The following ENPP2 variants were observed in gnomAD, a reference collection of about 807,000 sequenced individuals.
ENPP2 encodes ectonucleotide pyrophosphatase/phosphodiesterase 2, also known as autotaxin.
ENPP2 carries 51 observed loss-of-function variants against 120.2 expected under a neutral mutation model. The observed-to-expected ratio is 0.42, with a 90% CI of 0.34 to 0.54. The LOEUF is 0.54. Ranked by LOEUF, ENPP2 falls within the 20% of genes least tolerant of loss-of-function variation. ENPP2 has a pLI of 0.04. For synonymous variants in ENPP2, 365 were observed against 366.4 expected (o/e 1.00, Z 0.04); for missense variants, 920 against 1,066.5 (o/e 0.86, Z 1.91).
At chr8:119,566,879 C>G (rs1189580779) in intron 22 of ENPP2, among the ~76,000 whole-genome samples, 1 of 152,176 alleles carries the variant, frequency 6.6e-6, no homozygotes, top group Non-Finnish European at 1.5e-5. Context: ...ACCAAGAAAT[C>G]TTTTTAAAAG....
intron 9 of ENPP2, among the ~76,000 whole-genome samples, chr8:119,605,064 C>A (rs1814605082): frequency 6.6e-6 from 1 of 151,866 alleles, no homozygotes; most frequent in Non-Finnish European, 1.5e-5. Context: ...TGAGCCACTG[C>A]ACCCGGCCTA....
rs79494866 is a variant in ENPP2, at chr8:119,625,964, G to A, written c.292+601C>T. Among the ~76,000 whole-genome samples, 543 of 152,260 alleles carry A rather than the reference G, an allele frequency of 3.6e-3. 2 individuals carry two copies. Among genetic ancestry groups the A allele is most frequent in the African/African-American group, 0.012 (518 of 41,544 alleles). On this transcript the variant is annotated intron_variant, in intron 3 of 24. Transcript: ENST00000075322. ...CCATAACAATTTTCCATTTGCAGACGGCAGGGAATGACAGGCACACTAACA... is the reference window on the plus strand; with the variant it reads ...CCATAACAATTTTCCATTTGCAGACAGCAGGGAATGACAGGCACACTAACA...
At chr8:119,610,526 G>T (rs764128543) in intron 8 of ENPP2, among the ~76,000 whole-genome samples, 1 of 150,896 alleles carries the variant, frequency 6.6e-6, no homozygotes, top group East Asian at 1.9e-4. Flanking sequence ...GAAGCTTCCC[G>T]GTTCCTTGTT....
chr8:119,596,813 C>T (rs979750791), intron 11 of ENPP2, among the ~76,000 whole-genome samples: 3 of 152,230 alleles, frequency 2.0e-5, no homozygotes, highest in African/African-American at 4.8e-5. Context: ...TTTTAAGGGG[C>T]GTTGCATGCT....
intron 8 of ENPP2, among the ~76,000 whole-genome samples, chr8:119,611,057 G>A (rs899894344): frequency 6.6e-6 from 1 of 152,144 alleles, no homozygotes; most frequent in Admixed American, 6.6e-5. Context: ...TTTGTGAAAA[G>A]GGGACAAATG....
In ENPP2 at chr8:119,557,684, T is replaced by C. The variant is rs756479543; in HGVS notation, c.2429A>G (p.Glu810Gly). 1 of 1,562,168 alleles carries C rather than the reference T, an allele frequency of 6.4e-7. No homozygotes were observed. The highest frequency in any genetic ancestry group is 8.6e-7 in the Non-Finnish European group (1 of 1,161,268). Residue 810 changes from glutamate (E) to glycine (G), a missense_variant, in exon 25 of 25, where the codon GAG becomes GGG. Physicochemically the swap from Glu to Gly is moderately conservative, Grantham distance 98. Transcript: ENST00000075322. ...TTCTTCTACCCATTTTGATTCGTCCTCTGAGCTCTGCAATGGAAACAGAAC... is the reference window on the plus strand; with the variant it reads ...TTCTTCTACCCATTTTGATTCGTCCCCTGAGCTCTGCAATGGAAACAGAAC... ...PDNEESCNSS[E>G]DESKWVEELM...
rs148051830 is a variant in ENPP2, at chr8:119,567,661, T to C, written c.2131+514A>G. Among the ~76,000 whole-genome samples the C allele has an allele frequency of 3.3e-3, 506 of 152,348 alleles. 6 individuals carry two copies. Among genetic ancestry groups the C allele is most frequent in the African/African-American group, 0.011 (475 of 41,570 alleles). On this transcript the variant is annotated intron_variant, in intron 22 of 24. Coordinates refer to ENST00000075322, the MANE Select transcript of ENPP2 (RefSeq NM_001040092.3). ...GAAGGTCCTTTCGGCTCTTGCTGGG[T>C]TTCAGGGCCAACATTCAGAAAATGT...
rs867719662 is a variant in ENPP2, at chr8:119,644,669, T to C, written c.22-6142A>G. Among the ~76,000 whole-genome samples the C allele has an allele frequency of 2.6e-3, 318 of 124,276 alleles. 2 individuals carry two copies. The highest frequency in any genetic ancestry group is 8.6e-3 in the African/African-American group (267 of 31,044). The allele number at this position is 124,276 out of a possible 152,430, so 81.5% of individuals were successfully genotyped here. On this transcript the variant is annotated intron_variant, in intron 1 of 25. Coordinates refer to the ENPP2 transcript ENST00000427067. The stretch of plus-strand genomic sequence containing the variant: ...ACACATATAGATATATATATATATA[T>C]ACACACACACATATATATATACTGG...
At chr8:119,563,073 T>A (rs16892758) in intron 23 of ENPP2, 60 bp from the exon 24 acceptor site, 32,394 of 1,454,100 alleles carry the variant, frequency 0.022, 960 homozygotes, top group African/African-American at 0.12. Flanking sequence ...GCTTTCTTTT[T>A]TAAATGGTGA....
rs1056005475 is a variant in ENPP2 at position 119,582,665 on chromosome 8, A to G, written c.1544-63T>C. 19 of 1,196,368 alleles carry G rather than the reference A, an allele frequency of 1.6e-5. No individual in the cohort carries two copies. In the Middle Eastern group the frequency reaches 1.6e-3, roughly 100 times the overall value. The allele number at this position is 1,196,368 out of a possible 1,614,324, so 74.1% of individuals were successfully genotyped here. ...TATTTTTTTGATGAGATATGGTAAG[A>G]TTTAAAACCCTTCACCTTCTATGGG... On this transcript the variant is annotated intron_variant, in intron 17 of 24. Coordinates refer to ENST00000075322, the MANE Select transcript of ENPP2 (RefSeq NM_001040092.3).
chr8:119,578,476 C>T (rs900805543), intron 19 of ENPP2: 2 of 152,300 alleles, frequency 1.3e-5, no homozygotes, highest in Middle Eastern at 3.4e-3. Flanking sequence ...AACAGTCAGA[C>T]TTTGAATCAG....
At chr8:119,600,867 A>C in intron 10 of ENPP2, 117 bp from the exon 11 acceptor site, 1 of 686,558 alleles carries the variant, frequency 1.5e-6, no homozygotes, top group Non-Finnish European at 2.5e-6. Flanking sequence ...TTATCCTTTA[A>C]CTACTATTCA....
At chr8:119,618,372 C>G in intron 5 of ENPP2, 1 of 469,950 alleles carries the variant, frequency 2.1e-6, no homozygotes. Context: ...ACAAAGAGAC[C>G]ATGGAGATTT....
chr8:119,600,875 T>A, intron 10 of ENPP2, 125 bp from the exon 11 acceptor site: 1 of 649,672 alleles, frequency 1.5e-6, no homozygotes, highest in Non-Finnish European at 2.7e-6. Context: ...TAACTACTAT[T>A]CATGTTAGCA....
At chr8:119,594,275 G>T (rs1400553955) in intron 11 of ENPP2, among the ~76,000 whole-genome samples, 2 of 152,180 alleles carry the variant, frequency 1.3e-5, no homozygotes, top group African/African-American at 4.8e-5. Context: ...ATTCAAAGCT[G>T]TTCTGAGGTT....
intron 23 of ENPP2, among the ~76,000 whole-genome samples, 177 bp downstream of exon 23, chr8:119,564,646 C>A (rs1399787581): frequency 2.0e-5 from 3 of 151,756 alleles, no homozygotes; most frequent in Non-Finnish European, 4.4e-5. Flanking sequence ...TCACTGCAGT[C>A]CAGCCTGGGC....
At chr8:119,580,039 A>G (rs974373427) in intron 19 of ENPP2, 77 bp downstream of exon 19, 25 of 940,638 alleles carry the variant, frequency 2.7e-5, no homozygotes, top group Non-Finnish European at 4.0e-5. Flanking sequence ...TGCTTACACT[A>G]TAATGTAAAT....
At chr8:119,620,084 T>C (rs1367421047) in intron 4 of ENPP2, among the ~76,000 whole-genome samples, 1 of 152,180 alleles carries the variant, frequency 6.6e-6, no homozygotes, top group Non-Finnish European at 1.5e-5. Context: ...AGACTCTAAC[T>C]ACTGGACAAT....
At chr8:119,639,783 T>C (rs968683395), upstream of ENPP2, among the ~76,000 whole-genome samples, 4 of 152,214 alleles carry the variant, frequency 2.6e-5, no homozygotes, top group South Asian at 2.1e-4. Context: ...ACTGTGTCCT[T>C]TGAGGCTATT....
Sources: gnomAD v4.1 joint callset for allele counts (sites outside exome capture counted in the v4.1 genomes callset) on GRCh38, gnomAD v4.1.1 for gene constraint, MANE v1.5 for transcripts, NCBI Gene and HGNC (gene_info 2026-07-23, HGNC 2026-07-21) for gene names.